KIRREL3: variants seen among roughly 807,000 people sequenced by gnomAD.
KIRREL3 encodes the protein kin of IRRE-like protein 3.
Under a neutral mutation model 89.7 loss-of-function variants are expected in KIRREL3, and 36 were observed. The observed-to-expected ratio is 0.40, with a 90% CI of 0.31 to 0.53. The LOEUF (loss-of-function observed/expected upper bound fraction) is 0.53, where lower values mean the gene tolerates loss of function less well. KIRREL3 is among the 20% of genes least tolerant of loss of function. The probability of loss-of-function intolerance (pLI) is 0.49; values close to 1 mark genes in which losing one functional copy is unlikely to be tolerated. For missense variants in KIRREL3, 864 were observed against 1,056.6 expected, an observed-to-expected ratio of 0.82 and a Z score of 2.53; for synonymous variants, 445 against 441.4, an observed-to-expected ratio of 1.01 and a Z score of -0.10.
In KIRREL3 at chr11:126,620,699, C is replaced by T. The variant is rs1332146688; in HGVS notation, c.56-57787G>A. Among the ~76,000 whole-genome samples, 1 of 152,226 alleles carries T rather than the reference C, an allele frequency of 6.6e-6. No individual in the cohort carries two copies. The highest frequency in any genetic ancestry group is 1.5e-5 in the Non-Finnish European group (1 of 68,040). On this transcript the variant is annotated intron_variant, in intron 1 of 16. Transcript: ENST00000525144. The surrounding 1 kb of genome is among the most constrained non-coding windows in gnomAD (Gnocchi z 4.8). ...TCCTGGTCCCACATTCATTCCCTTG[C>T]TGCCTTCTTCAATGCTTTTATAGGT...
chr11:126,894,295 T>C (rs183652443), intron 1 of KIRREL3, among the ~76,000 whole-genome samples: 1 of 152,010 alleles, frequency 6.6e-6, no homozygotes, highest in Non-Finnish European at 1.5e-5. Context: ...GTCCAGGCAT[T>C]GTGTTAGGTG....
intron 1 of KIRREL3, among the ~76,000 whole-genome samples, chr11:126,699,886 A>T (rs923319997): frequency 2.6e-5 from 4 of 152,174 alleles, no homozygotes; most frequent in African/African-American, 9.7e-5. Flanking sequence ...AGTTATTGAT[A>T]TTTTTTATCA....
intron 1 of KIRREL3, among the ~76,000 whole-genome samples, chr11:126,586,027 G>A (rs1267612777): frequency 6.6e-6 from 1 of 152,186 alleles, no homozygotes; most frequent in African/African-American, 2.4e-5. Flanking sequence ...CTTGGAACAG[G>A]AACATTACTC....
rs1270481555 is a variant in KIRREL3, at chr11:126,475,994, G to T, written c.434-2528C>A. Among the ~76,000 whole-genome samples, 2 of 152,182 alleles carry T rather than the reference G, an allele frequency of 1.3e-5. No individual in the cohort carries two copies. On this transcript the variant is annotated intron_variant, in intron 4 of 16. Coordinates refer to ENST00000525144, the MANE Select transcript of KIRREL3 (RefSeq NM_032531.4). The surrounding 1 kb of genome is among the most constrained non-coding windows in gnomAD (Gnocchi z 7.5). ...CACGTGGAGCCCTGGGGACAGCCTG[G>T]ATACCTGGGGCCTCAGCCTTCCCAG...
rs1286737423 is a variant in KIRREL3 at position 126,537,686 on chromosome 11, C to A, written c.134-10999G>T. ...AGTGTGATCTGAGGCCAGTGACTCACCCTTTCTGAGCTTCAGTTTCCCTAT... is the reference window on the plus strand; with the variant it reads ...AGTGTGATCTGAGGCCAGTGACTCAACCTTTCTGAGCTTCAGTTTCCCTAT... On this transcript the variant is annotated intron_variant, in intron 2 of 16. Coordinates refer to ENST00000525144, the MANE Select transcript of KIRREL3 (RefSeq NM_032531.4). This position sits in a 1 kb window ranked among gnomAD's most constrained non-coding sequence, Gnocchi z 4.3. 1.3e-5 allele frequency among the ~76,000 whole-genome samples: 2 copies of A among 152,190 alleles called. No individual in the cohort carries two copies. The highest frequency in any genetic ancestry group is 2.9e-5 in the Non-Finnish European group (2 of 68,038).
rs901287176 is a variant in KIRREL3 at position 126,791,132 on chromosome 11, C to G, written c.55+209323G>C. On this transcript the variant is annotated intron_variant, in intron 1 of 16. Coordinates refer to ENST00000525144, the MANE Select transcript of KIRREL3 (RefSeq NM_032531.4). This position sits in a 1 kb window ranked among gnomAD's most constrained non-coding sequence, Gnocchi z 4.8. ...AGGAAGGAAAAACCATCTTTGGTAA[C>G]AAAAGATCAGAAATTGCCTCCTGAG... 6.6e-6 allele frequency among the ~76,000 whole-genome samples: 1 copy of G among 152,090 alleles called. No individual in the cohort carries two copies. Among genetic ancestry groups the G allele is most frequent in the Admixed American group, 6.5e-5 (1 of 15,274 alleles).
intron 1 of KIRREL3, among the ~76,000 whole-genome samples, chr11:126,727,884 G>A (rs1311962127): frequency 1.3e-5 from 2 of 152,100 alleles, no homozygotes; most frequent in Non-Finnish European, 2.9e-5. Context: ...CAGGCAGTGG[G>A]ATGCGGATCA....
chr11:126,990,123 G>A lies in KIRREL3; in HGVS notation c.55+10332C>T, dbSNP rs1949984838. 6.6e-6 allele frequency among the ~76,000 whole-genome samples: 1 copy of A among 152,144 alleles called. No homozygotes were observed. Among genetic ancestry groups the A allele is most frequent in the African/African-American group, 2.4e-5 (1 of 41,430 alleles). The stretch of plus-strand genomic sequence containing the variant: ...GAGGCGGCTCTAGGGAGAGGTAGGG[G>A]CTCTGGGCTGGCGGTCCCCCTGCTG... On this transcript the variant is annotated intron_variant, in intron 1 of 16. Transcript: ENST00000525144. The surrounding 1 kb of genome is among the most constrained non-coding windows in gnomAD (Gnocchi z 6.3).
At position 126,527,651 on chromosome 11, in the gene KIRREL3, C is replaced by T. The variant is rs141548126; in HGVS notation, c.134-964G>A. Among the ~76,000 whole-genome samples, 1,157 of 152,208 alleles carry T rather than the reference C, an allele frequency of 7.6e-3. 11 individuals are homozygous for T. The highest frequency in any genetic ancestry group is 0.017 in the Middle Eastern group (5 of 294). ...CGCATGCCCTGACTCTAGTTATCAC[C>T]GTGGCAACACTCGAATGGGGCATTG... On this transcript the variant is annotated intron_variant, in intron 2 of 16. Transcript: ENST00000525144. The surrounding 1 kb of genome is among the most constrained non-coding windows in gnomAD (Gnocchi z 4.2).
rs180808754 is a variant in KIRREL3, at chr11:126,475,945, T to C, written c.434-2479A>G. ...ATGGAGGAGCTCGGGCTCCATGAGC[T>C]AGCTGAGGGCCTGGAAAAAGAGCCA... On this transcript the variant is annotated intron_variant, in intron 4 of 16. Coordinates refer to ENST00000525144, the MANE Select transcript of KIRREL3 (RefSeq NM_032531.4). This position sits in a 1 kb window ranked among gnomAD's most constrained non-coding sequence, Gnocchi z 7.5. Among the ~76,000 whole-genome samples the C allele has an allele frequency of 3.8e-3, 572 of 152,270 alleles. 13 individuals carry two copies. The highest frequency in any genetic ancestry group is 0.036 in the Admixed American group (546 of 15,304).
Position 126,946,051 on chromosome 11 carries a change from T to A in KIRREL3, c.55+54404A>T, listed in dbSNP as rs1948612461. On this transcript the variant is annotated intron_variant, in intron 1 of 16. Transcript: ENST00000525144. This position sits in a 1 kb window ranked among gnomAD's most constrained non-coding sequence, Gnocchi z 4.1. The stretch of plus-strand genomic sequence containing the variant: ...CTGAGCCCCTTAAAATCTCAGAGAC[T>A]GAGCTGGGTGTTTTAGAAATTCAGG... Among the ~76,000 whole-genome samples the A allele has an allele frequency of 6.6e-6, 1 of 152,192 alleles. No homozygotes were observed. The highest frequency in any genetic ancestry group is 6.5e-5 in the Admixed American group (1 of 15,286).
chr11:126,451,049 G>C (rs937799726), intron 7 of KIRREL3, among the ~76,000 whole-genome samples: 1 of 150,808 alleles, frequency 6.6e-6, no homozygotes, highest in Non-Finnish European at 1.5e-5. Flanking sequence ...GTGTGAGCAT[G>C]TGCATGTGTG....
At chr11:126,497,150 G>C (rs935129388) in intron 4 of KIRREL3, among the ~76,000 whole-genome samples, 1 of 151,918 alleles carries the variant, frequency 6.6e-6, no homozygotes, top group Non-Finnish European at 1.5e-5. Context: ...GAGAGCGAGA[G>C]AGTGTGAGAG....
At chr11:126,547,839 C>T (rs916505198) in intron 2 of KIRREL3, among the ~76,000 whole-genome samples, 12 of 152,152 alleles carry the variant, frequency 7.9e-5, no homozygotes, top group African/African-American at 1.2e-4. Context: ...CTATCCTCGT[C>T]GCCCAGACAC....
At position 126,558,288 on chromosome 11, in the gene KIRREL3, C is replaced by T. The variant is rs139417163; in HGVS notation, c.133+4547G>A. 7.2e-5 allele frequency among the ~76,000 whole-genome samples: 11 copies of T among 152,338 alleles called. No homozygotes were observed. In the East Asian group the frequency reaches 1.9e-3, roughly 27 times the overall value. On this transcript the variant is annotated intron_variant, in intron 2 of 16. Transcript: ENST00000525144. This position sits in a 1 kb window ranked among gnomAD's most constrained non-coding sequence, Gnocchi z 4.0. ...TCTGGTCCCCCAGGAATGGTCTTCT[C>T]TGGTCTGTGTCCCTCACTCCAGGTC...
chr11:126,742,823 C>T lies in KIRREL3; in HGVS notation c.56-179911G>A, dbSNP rs1949024295. ...AACTTTGCCACATCACTGGCACATT[C>T]GTTGCTGGGCAACGTGGCTCCTCTC... On this transcript the variant is annotated intron_variant, in intron 1 of 16. Transcript: ENST00000525144. The surrounding 1 kb of genome is among the most constrained non-coding windows in gnomAD (Gnocchi z 5.3). Among the ~76,000 whole-genome samples the T allele has an allele frequency of 1.3e-5, 2 of 152,200 alleles. No individual in the cohort carries two copies. Among genetic ancestry groups the T allele is most frequent in the Non-Finnish European group, 2.9e-5 (2 of 68,032 alleles).
chr11:126,484,068 C>T lies in KIRREL3; in HGVS notation c.434-10602G>A, dbSNP rs1043173305. Among the ~76,000 whole-genome samples, 1 of 152,160 alleles carries T rather than the reference C, an allele frequency of 6.6e-6. No homozygotes were observed. Among genetic ancestry groups the T allele is most frequent in the South Asian group, 2.1e-4 (1 of 4,824 alleles). The stretch of plus-strand genomic sequence containing the variant: ...TGAGCTCCTTGAGGGCTGGTCCTTG[C>T]CAAATTCTCTCTCTAGTACTTAGTA... On this transcript the variant is annotated intron_variant, in intron 4 of 16. Transcript: ENST00000525144. This position sits in a 1 kb window ranked among gnomAD's most constrained non-coding sequence, Gnocchi z 5.2.
intron 1 of KIRREL3, among the ~76,000 whole-genome samples, chr11:126,738,925 G>T (rs1322498048): frequency 6.6e-6 from 1 of 152,212 alleles, no homozygotes; most frequent in African/African-American, 2.4e-5. Context: ...CCTAAACAAA[G>T]CATCTTCGGT....
chr11:126,995,032 A>G lies in KIRREL3; in HGVS notation c.55+5423T>C. 1 of 370,174 alleles carries G rather than the reference A, an allele frequency of 2.7e-6. No individual in the cohort carries two copies. The highest frequency in any genetic ancestry group is 5.3e-6 in the Non-Finnish European group (1 of 187,000). 22.9% of individuals were successfully genotyped at this position (370,174 alleles called of 1,614,324 possible). ...GTGTCTCGGTGCAGTCGATTCTCAC[A>G]TCATTCCTCTAACTGGAAATAAAAA... On this transcript the variant is annotated intron_variant, in intron 1 of 16. Coordinates refer to ENST00000525144, the MANE Select transcript of KIRREL3 (RefSeq NM_032531.4). This position sits in a 1 kb window ranked among gnomAD's most constrained non-coding sequence, Gnocchi z 6.5.
Sources: allele counts gnomAD v4.1 joint callset (sites outside exome capture counted in the v4.1 genomes callset), GRCh38; gene constraint gnomAD v4.1.1; non-coding constraint Gnocchi (gnomAD v3.1); transcripts MANE v1.5; gene names NCBI Gene and HGNC (gene_info 2026-07-23, HGNC 2026-07-21).